Variants in ZNF521 observed in about 807,000 individuals in gnomAD.
ZNF521 encodes zinc finger protein 521.
A neutral mutation model predicts 105.5 loss-of-function variants in ZNF521; 14 were observed. The ratio of observed to expected loss-of-function variants is 0.13; its 90% CI spans 0.09 to 0.21. The LOEUF (loss-of-function observed/expected upper bound fraction) is 0.21, where lower values mean the gene tolerates loss of function less well. Ranked by LOEUF, ZNF521 falls within the 10% of genes least tolerant of loss-of-function variation. The pLI is 1.00. For missense variants in ZNF521, 1,233 were observed against 1,629.7 expected, an observed-to-expected ratio of 0.76 and a Z score of 4.19; for synonymous variants, 635 against 606.0, an observed-to-expected ratio of 1.05 and a Z score of -0.70.
At chr18:25,157,933 T>C (rs576154615) in intron 5 of ZNF521, among the ~76,000 whole-genome samples, 32 of 152,198 alleles carry the variant, frequency 2.1e-4, no homozygotes, top group African/African-American at 7.7e-4. Context: ...TTTGTATTTT[T>C]AGTAGAGACG....
At chr18:25,229,540 A>G (rs907559826) in intron 3 of ZNF521, among the ~76,000 whole-genome samples, 9 of 152,030 alleles carry the variant, frequency 5.9e-5, no homozygotes, top group Non-Finnish European at 1.2e-4. Flanking sequence ...CAACATACAA[A>G]AAAAAAAATT....
intron 5 of ZNF521, among the ~76,000 whole-genome samples, chr18:25,144,735 T>C (rs1180850766): frequency 1.2e-4 from 19 of 152,240 alleles, no homozygotes; most frequent in Non-Finnish European, 1.5e-5. Context: ...GGAAAGCAGA[T>C]ATTTATTGAA....
chr18:25,290,435 C>T (rs866959319), intron 3 of ZNF521, among the ~76,000 whole-genome samples: 37 of 152,146 alleles, frequency 2.4e-4, no homozygotes, highest in African/African-American at 8.2e-4. Context: ...CTGTGAAATA[C>T]GCATTCTGTG....
At chr18:25,088,094 C>T (rs971876386) in intron 7 of ZNF521, among the ~76,000 whole-genome samples, 12 of 152,164 alleles carry the variant, frequency 7.9e-5, no homozygotes, top group African/African-American at 2.4e-4. Context: ...CCAAGTCAAC[C>T]AGATCAGCTC....
intron 3 of ZNF521, among the ~76,000 whole-genome samples, chr18:25,294,300 A>C (rs1292642649): frequency 6.6e-6 from 1 of 152,106 alleles, no homozygotes; most frequent in East Asian, 1.9e-4. Flanking sequence ...GTTTGCTTCT[A>C]GGTATAATTC....
chr18:25,141,587 T>C (rs2034849136), intron 5 of ZNF521, among the ~76,000 whole-genome samples: 1 of 152,180 alleles, frequency 6.6e-6, no homozygotes, highest in African/African-American at 2.4e-5. Context: ...GATGGAAGCC[T>C]GTGTGTACTT....
chr18:25,272,993 G>A (rs547594161), intron 3 of ZNF521, among the ~76,000 whole-genome samples: 1 of 151,860 alleles, frequency 6.6e-6, no homozygotes, highest in Admixed American at 6.6e-5. Context: ...TTGGGAGGCA[G>A]AAGCAGGTGG....
At chr18:25,200,187 G>A (rs1406432151) in intron 4 of ZNF521, among the ~76,000 whole-genome samples, 1 of 151,878 alleles carries the variant, frequency 6.6e-6, no homozygotes, top group African/African-American at 2.4e-5. Context: ...TCAAAAGGAG[G>A]TTTTCCATAT....
Position 25,316,245 on chromosome 18 carries a change from T to C in ZNF521, c.220+5763A>G, listed in dbSNP as rs1486480944. On this transcript the variant is annotated intron_variant, in intron 3 of 7. Coordinates refer to ENST00000361524, the MANE Select transcript of ZNF521 (RefSeq NM_015461.3). ...ATATGGACAGGGAAATTAAGAATCT[T>C]GGAGAAAGGACCGGAATGAGAGGAA... Among the ~76,000 whole-genome samples, 3 of 148,604 alleles carry C rather than the reference T, an allele frequency of 2.0e-5. No homozygotes were observed. The East Asian group carries it at 5.9e-4, about 29-fold the overall frequency.
chr18:25,321,907 G>T, intron 3 of ZNF521, 101 bp downstream of exon 3: 1 of 1,156,246 alleles, frequency 8.6e-7, no homozygotes, highest in East Asian at 2.4e-5. Context: ...TTCAAATGTA[G>T]GAATAAAATA....
At chr18:25,094,539 C>T (rs8087627) in intron 5 of ZNF521, among the ~76,000 whole-genome samples, 1 of 151,748 alleles carries the variant, frequency 6.6e-6, no homozygotes, top group African/African-American at 2.4e-5. Context: ...ATCACATCTA[C>T]CATTTTCAGA....
rs1192409986 is a variant in ZNF521, at chr18:25,273,213, C to G, written c.221-45516G>C. On this transcript the variant is annotated intron_variant, in intron 3 of 7. Transcript: ENST00000361524. ...CTGTGCTCCCAAGAGGAGTGAAACC[C>G]TGTCTCCAAAAAAAAAAAAAAAAAA... is the stretch of plus-strand genomic sequence containing the variant. 7.2e-5 allele frequency among the ~76,000 whole-genome samples: 4 copies of G among 55,810 alleles called. No individual in the cohort carries two copies. In the Admixed American group the frequency reaches 8.5e-4, roughly 12 times the overall value. The allele number at this position is 55,810 out of a possible 152,430, so 36.6% of individuals were successfully genotyped here.
At chr18:25,300,398 G>A (rs1911568061) in intron 3 of ZNF521, among the ~76,000 whole-genome samples, 1 of 152,156 alleles carries the variant, frequency 6.6e-6, no homozygotes, top group South Asian at 2.1e-4. Flanking sequence ...GTAGCAATAT[G>A]ATAGGTAGAC....
intron 3 of ZNF521, among the ~76,000 whole-genome samples, chr18:25,242,294 TCTGAGGTTCTCAAA>T (rs1458744325): frequency 6.6e-6 from 1 of 152,190 alleles, no homozygotes; most frequent in Non-Finnish European, 1.5e-5. Context: ...ACATGATTTT[TCTGAGGTTCTCAAA>T]CTTTCACATT....
At chr18:25,237,435 T>C (rs527838923) in intron 3 of ZNF521, among the ~76,000 whole-genome samples, 5 of 152,178 alleles carry the variant, frequency 3.3e-5, no homozygotes, top group African/African-American at 9.6e-5. Context: ...ATTATATATA[T>C]GTGTCTATAT....
intron 2 of ZNF521, 58 bp downstream of exon 2, chr18:25,350,849 C>T: frequency 6.5e-7 from 1 of 1,536,094 alleles, no homozygotes; most frequent in Non-Finnish European, 8.8e-7. Context: ...CCTCGCTCCG[C>T]TACCCACAGT....
intron 7 of ZNF521, among the ~76,000 whole-genome samples, chr18:25,077,423 C>A (rs745463912): frequency 1.3e-5 from 2 of 152,202 alleles, no homozygotes; most frequent in Non-Finnish European, 2.9e-5. Context: ...ACAGAGCAAG[C>A]ACGCCCTTCC....
In ZNF521 at chr18:25,282,445, C is replaced by T. The variant is rs149661953; in HGVS notation, c.220+39563G>A. On this transcript the variant is annotated intron_variant, in intron 3 of 7. Transcript: ENST00000361524. Reference sequence around the variant, plus strand: ...CACACCCAAGCCTTAGGGGAGGCAGCACCCGGTGTCAGAATAACATAGTTC... The same window carrying T: ...CACACCCAAGCCTTAGGGGAGGCAGTACCCGGTGTCAGAATAACATAGTTC... Among the ~76,000 whole-genome samples the T allele has an allele frequency of 5.9e-3, 902 of 152,242 alleles. 3 individuals carry two copies. The highest frequency in any genetic ancestry group is 9.6e-3 in the Non-Finnish European group (656 of 68,014).
At chr18:25,161,587 G>A (rs1394320237) in intron 5 of ZNF521, among the ~76,000 whole-genome samples, 1 of 152,286 alleles carries the variant, frequency 6.6e-6, no homozygotes, top group Non-Finnish European at 1.5e-5. Context: ...TAAATGACTA[G>A]ATTTAATTTC....
Sources: gnomAD v4.1 joint callset for allele counts (sites outside exome capture counted in the v4.1 genomes callset) on GRCh38, gnomAD v4.1.1 for gene constraint, MANE v1.5 for transcripts, NCBI Gene and HGNC (gene_info 2026-07-23, HGNC 2026-07-21) for gene names.